Variants in SMYD3 observed in about 807,000 individuals in gnomAD.
The protein encoded by SMYD3 is SET and MYND domain containing 3.
In SMYD3, 36 loss-of-function variants were observed where a neutral mutation model predicts 57.7. The ratio of observed to expected loss-of-function variants is 0.62; its 90% CI spans 0.48 to 0.82. The LOEUF is 0.82. Ranked by LOEUF, SMYD3 falls within the 40% of genes least tolerant of loss-of-function variation. SMYD3 has a pLI of 0.00. For missense variants in SMYD3, 515 were observed against 538.8 expected, an observed-to-expected ratio of 0.96 and a Z score of 0.44; for synonymous variants, 211 against 195.0, an observed-to-expected ratio of 1.08 and a Z score of -0.68.
chr1:245,775,561 G>T (rs975212756), intron 10 of SMYD3, among the ~76,000 whole-genome samples: 1 of 151,174 alleles, frequency 6.6e-6, no homozygotes, highest in Middle Eastern at 3.4e-3. Context: ...AGTACCCAGG[G>T]ACACAAACAC....
At chr1:245,819,067 C>A (rs1201086353) in intron 10 of SMYD3, among the ~76,000 whole-genome samples, 1 of 122,016 alleles carries the variant, frequency 8.2e-6, no homozygotes, top group African/African-American at 3.3e-5. Context: ...ACAGAACTCT[C>A]CACCCCAAAT....
chr1:246,201,011 T>C (rs972906763), intron 5 of SMYD3, among the ~76,000 whole-genome samples: 1 of 152,234 alleles, frequency 6.6e-6, no homozygotes, highest in African/African-American at 2.4e-5. Context: ...CTTGCCCCCA[T>C]ATTAACAAGG....
intron 5 of SMYD3, among the ~76,000 whole-genome samples, chr1:245,965,004 G>A (rs2058103995): frequency 6.6e-6 from 1 of 151,798 alleles, no homozygotes; most frequent in African/African-American, 2.4e-5. Context: ...AGGATGCCAG[G>A]AAAACTACCT....
intron 1 of SMYD3, among the ~76,000 whole-genome samples, chr1:246,392,247 T>C (rs1010606336): frequency 1.3e-5 from 2 of 152,058 alleles, no homozygotes; most frequent in African/African-American, 4.8e-5. Context: ...TTGGTGAAAA[T>C]GGGAGTTGAA....
intron 5 of SMYD3, among the ~76,000 whole-genome samples, chr1:246,244,747 G>C (rs1336236122): frequency 1.3e-5 from 2 of 152,084 alleles, no homozygotes; most frequent in Admixed American, 6.5e-5. Flanking sequence ...GTTTTCATTG[G>C]ACTCTTCCAC....
intron 8 of SMYD3, among the ~76,000 whole-genome samples, chr1:245,909,808 C>T (rs1182225162): frequency 6.6e-6 from 1 of 151,890 alleles, no homozygotes; most frequent in African/African-American, 2.4e-5. Context: ...ATGAGGGAAA[C>T]ATACTTCAGA....
chr1:246,309,647 A>G (rs908171525), intron 5 of SMYD3, among the ~76,000 whole-genome samples: 2 of 152,208 alleles, frequency 1.3e-5, no homozygotes, highest in Admixed American at 6.5e-5. Flanking sequence ...GTATTTATCA[A>G]TGAAATGCTC....
At chr1:246,316,448 C>G (rs2065158975) in intron 5 of SMYD3, among the ~76,000 whole-genome samples, 1 of 151,394 alleles carries the variant, frequency 6.6e-6, no homozygotes. Context: ...CAACCTCCCC[C>G]TCCCAGGTTC....
Position 245,929,915 on chromosome 1 carries a change from A to T in SMYD3, c.554T>A (p.Ile185Asn), listed in dbSNP as rs761671865. 3.1e-6 allele frequency: 5 copies of T among 1,613,690 alleles called. No individual in the cohort carries two copies. Among genetic ancestry groups the T allele is most frequent in the Non-Finnish European group, 4.2e-6 (5 of 1,179,806 alleles). ...FAKVICNSFT[I>N]CNAEMQEVGV... ...AACTTCCTGCATCTCCGCATTACAGATGGTGAAAGAGTTGCAGATCACCTG... is the reference window on the plus strand; with the variant it reads ...AACTTCCTGCATCTCCGCATTACAGTTGGTGAAAGAGTTGCAGATCACCTG... Residue 185 changes from isoleucine (I) to asparagine (N), a missense_variant, in exon 6 of 12, where the codon ATC becomes AAC. Transcript: ENST00000490107.
chr1:245,949,570 GAGGCCA>G (rs1477503953), intron 5 of SMYD3, among the ~76,000 whole-genome samples: 1 of 152,238 alleles, frequency 6.6e-6, no homozygotes, highest in Non-Finnish European at 1.5e-5. Flanking sequence ...AGCACTTTGG[GAGGCCA>G]AGGCGGTGGA....
At chr1:245,849,755 C>T (rs1375808989) in intron 10 of SMYD3, among the ~76,000 whole-genome samples, 4 of 152,180 alleles carry the variant, frequency 2.6e-5, no homozygotes, top group Non-Finnish European at 4.4e-5. Flanking sequence ...CAGACTCAAG[C>T]GATCCTCTCA....
chr1:245,914,591 G>A (rs1450429575), intron 8 of SMYD3, among the ~76,000 whole-genome samples: 1 of 152,172 alleles, frequency 6.6e-6, no homozygotes, highest in Non-Finnish European at 1.5e-5. Context: ...GAAGTAGAGA[G>A]CAGAACTGTG....
intron 10 of SMYD3, among the ~76,000 whole-genome samples, chr1:245,828,977 A>G (rs1234698241): frequency 1.3e-5 from 2 of 151,952 alleles, no homozygotes; most frequent in Admixed American, 6.5e-5. Context: ...TGCTGGGGTT[A>G]GAGGCATGAG....
intron 5 of SMYD3, among the ~76,000 whole-genome samples, chr1:246,122,502 A>G (rs12026451): frequency 0.081 from 12,285 of 152,268 alleles, 1,002 homozygotes; most frequent in African/African-American, 0.19. Context: ...TTGCTACCAT[A>G]TGGCAAATTA....
At chr1:246,022,886 C>A (rs975688528) in intron 5 of SMYD3, among the ~76,000 whole-genome samples, 1 of 152,198 alleles carries the variant, frequency 6.6e-6, no homozygotes, top group Non-Finnish European at 1.5e-5. Flanking sequence ...AAATAGCAAC[C>A]TTAACTCTAG....
chr1:246,120,095 A>G (rs921407251), intron 5 of SMYD3, among the ~76,000 whole-genome samples: 2 of 152,130 alleles, frequency 1.3e-5, no homozygotes, highest in African/African-American at 4.8e-5. Flanking sequence ...ATGGTAATAA[A>G]TTGGGGAAAA....
At chr1:245,836,274 G>A (rs1172517388) in intron 10 of SMYD3, among the ~76,000 whole-genome samples, 3 of 152,194 alleles carry the variant, frequency 2.0e-5, no homozygotes, top group Admixed American at 2.0e-4. Flanking sequence ...GGTTTCAGTT[G>A]AGCTGAGGAG....
chr1:245,879,327 G>A lies in SMYD3; in HGVS notation c.814-15441C>T, dbSNP rs367859418. Among the ~76,000 whole-genome samples, 33 of 152,362 alleles carry A rather than the reference G, an allele frequency of 2.2e-4. 2 individuals carry two copies. Among genetic ancestry groups the A allele is most frequent in the East Asian group, 1.7e-3 (9 of 5,186 alleles). ...AGGGCTAAATGAGATAATATGCAAA[G>A]TGCTGTGCATAGCAACTGGCTCGCA... On this transcript the variant is annotated intron_variant, in intron 8 of 11. Coordinates refer to ENST00000490107, the MANE Select transcript of SMYD3 (RefSeq NM_001167740.2).
intron 10 of SMYD3, among the ~76,000 whole-genome samples, chr1:245,783,110 T>G (rs909602600): frequency 1.3e-5 from 2 of 152,002 alleles, no homozygotes; most frequent in African/African-American, 4.8e-5. Context: ...AAATGCAGGG[T>G]AGAGAGTGGA....
Sources: gnomAD v4.1 joint callset for allele counts (sites outside exome capture counted in the v4.1 genomes callset) on GRCh38, gnomAD v4.1.1 for gene constraint, MANE v1.5 for transcripts, NCBI Gene and HGNC (gene_info 2026-07-23, HGNC 2026-07-21) for gene names.